Variants in MPZL3 observed in about 807,000 individuals in gnomAD.
The protein encoded by MPZL3 is myelin protein zero like 3.
A neutral mutation model predicts 24.8 loss-of-function variants in MPZL3; 23 were observed. That is an observed-to-expected ratio of 0.93 (90% CI 0.67 to 1.31). The LOEUF (loss-of-function observed/expected upper bound fraction) is 1.31. Ranked by LOEUF, MPZL3 falls within the 40% of genes most tolerant of loss-of-function variation. The pLI is 0.00. For missense variants in MPZL3, 277 were observed against 294.9 expected, an observed-to-expected ratio of 0.94 and a Z score of 0.44; for synonymous variants, 99 against 106.5, an observed-to-expected ratio of 0.93 and a Z score of 0.44.
intron 4 of MPZL3, among the ~76,000 whole-genome samples, chr11:118,235,146 T>C (rs2134697876): frequency 6.6e-6 from 1 of 152,306 alleles, no homozygotes; most frequent in Non-Finnish European, 1.5e-5. Context: ...AAACATTGAC[T>C]TCAGAATTTA....
chr11:118,237,370 C>T, intron 2 of MPZL3, 110 bp from the exon 3 acceptor site: 1 of 950,144 alleles, frequency 1.1e-6, no homozygotes, highest in Non-Finnish European at 1.6e-6. Context: ...TGTTTTTTTT[C>T]AGTTGGGCAA....
chr11:118,239,232 C>T (rs1949463228), intron 2 of MPZL3, among the ~76,000 whole-genome samples: 1 of 152,116 alleles, frequency 6.6e-6, no homozygotes, highest in Non-Finnish European at 1.5e-5. Context: ...CACTCAGAAT[C>T]AAGTGAACTA....
chr11:118,231,846 C>T (rs886429463), intron 5 of MPZL3, among the ~76,000 whole-genome samples: 8 of 152,270 alleles, frequency 5.3e-5, no homozygotes, highest in African/African-American at 1.7e-4. Flanking sequence ...TCCAAACTAC[C>T]AGCATCTTCA....
chr11:118,237,143 T>C lies in MPZL3; in HGVS notation c.358A>G (p.Ile120Val). The C allele has an allele frequency of 6.2e-7, 1 of 1,614,146 alleles. No individual in the cohort carries two copies. Among genetic ancestry groups the C allele is most frequent in the Non-Finnish European group, 8.5e-7 (1 of 1,179,990 alleles). The change falls in exon 3 of 6, where the codon ATA (isoleucine) becomes GTA (valine). Residue 120 changes from isoleucine to valine, a missense_variant. Coordinates refer to ENST00000278949, the MANE Select transcript of MPZL3 (RefSeq NM_198275.3). ...CAGCTGAATGTCCCATTGTCCTTTA[T>C]GGTAGGGTTGCTTATACTTATAGAT... ...DASISISNPT[I>V]KDNGTFSCAV... is the part of the protein sequence containing the mutation.
intron 3 of MPZL3, 117 bp from the exon 4 acceptor site, chr11:118,235,706 T>C: frequency 9.5e-7 from 1 of 1,055,286 alleles, no homozygotes; most frequent in Non-Finnish European, 1.4e-6. Flanking sequence ...AAGTAATAAA[T>C]CATTGTGTGA....
At position 118,247,011 on chromosome 11, in the gene MPZL3, G is replaced by A. The variant is rs1048273972; in HGVS notation, c.73+5211C>T. Among the ~76,000 whole-genome samples the A allele has an allele frequency of 2.6e-5, 4 of 152,102 alleles. No homozygotes were observed. In the South Asian group the frequency reaches 8.3e-4, roughly 32 times the overall value. The stretch of plus-strand genomic sequence containing the variant: ...TGTTACTAGATCCTGGTAAGAGTGG[G>A]AGCTGTGGGCAACCTGACAGGGGCT... On this transcript the variant is annotated intron_variant, in intron 1 of 5. Transcript: ENST00000278949.
intron 5 of MPZL3, among the ~76,000 whole-genome samples, chr11:118,231,355 G>A (rs1949348594): frequency 6.6e-6 from 1 of 152,090 alleles, no homozygotes; most frequent in African/African-American, 2.4e-5. Flanking sequence ...CTCTTTCTTA[G>A]CCTCTTTACT....
In MPZL3 at chr11:118,229,886, G is replaced by C; in HGVS notation, c.*8C>G. 6.2e-7 allele frequency: 1 copy of C among 1,613,370 alleles called. No individual in the cohort carries two copies. The highest frequency in any genetic ancestry group is 8.5e-7 in the Non-Finnish European group (1 of 1,179,616). On this transcript the variant is annotated 3_prime_UTR_variant, in exon 6 of 6. Transcript: ENST00000278949. ...TAGGTGACTCTTCTTGTGTCATACA[G>C]ACTTTCATCAATATGTCTCTTCATA...
Position 118,235,551 on chromosome 11 carries a change from T to G in MPZL3, c.490A>C (p.Ile164Leu). 1 of 1,613,540 alleles carries G rather than the reference T, an allele frequency of 6.2e-7. No homozygotes were observed. The highest frequency in any genetic ancestry group is 2.2e-5 in the East Asian group (1 of 44,852). ...TMLSSVALLS[I>L]LVFVPSAVVV... ...ACGGCTGAGGGCACAAAGACAAGGA[T>G]GGAAAGAAGGGCCACAGAGGAAAGC... The change falls in exon 4 of 6, where the codon ATC becomes CTC. Residue 164 changes from isoleucine to leucine, a missense_variant. By Grantham distance (5) the Ile-to-Leu change is conservative. Transcript: ENST00000278949.
intron 3 of MPZL3, 24 bp from the exon 4 acceptor site, chr11:118,235,613 A>G (rs770874533): frequency 5.0e-6 from 8 of 1,611,170 alleles, no homozygotes; most frequent in Non-Finnish European, 6.8e-6. Context: ...AAGAGAAGGT[A>G]AAAGACAGGG....
chr11:118,237,497 C>A (rs1949441791), intron 2 of MPZL3, among the ~76,000 whole-genome samples: 1 of 151,896 alleles, frequency 6.6e-6, no homozygotes, highest in African/African-American at 2.4e-5. Context: ...TCCCTGGAAC[C>A]CTAAAATAAT....
At position 118,251,118 on chromosome 11, in the gene MPZL3, T is replaced by TGTGTGTGTGA. The variant is rs1491135921; in HGVS notation, c.73+1103_73+1104insTCACACACAC. Among the ~76,000 whole-genome samples, 20 of 129,786 alleles carry TGTGTGTGTGA rather than the reference T, an allele frequency of 1.5e-4. 1 individual carries two copies. Among genetic ancestry groups the TGTGTGTGTGA allele is most frequent in the African/African-American group, 5.1e-4 (18 of 35,322 alleles). 85.1% of individuals were successfully genotyped at this position (129,786 alleles called of 152,430 possible). A position where few individuals can be genotyped will look rare whatever the true frequency, so the allele number is the denominator to read the frequency against. Reference sequence around the variant, plus strand: ...GTGTGTGTGTGTGTGTGTGTGTGTGTGAAAGAGAGAGAGAGAGGACTGGGT... The same window carrying TGTGTGTGTGA: ...GTGTGTGTGTGTGTGTGTGTGTGTGTGTGTGTGTGAGAAAGAGAGAGAGAGAGGACTGGGT... On this transcript the variant is annotated intron_variant, in intron 1 of 5. Transcript: ENST00000278949.
intron 1 of MPZL3, among the ~76,000 whole-genome samples, chr11:118,246,585 C>CTTTCTT (rs1555112606): frequency 5.7e-4 from 70 of 123,240 alleles, no homozygotes; most frequent in African/African-American, 2.1e-3. Flanking sequence ...TTTTTCTTTT[C>CTTTCTT]TTTTTTTTTT....
At chr11:118,247,674 T>G (rs1397548030) in intron 1 of MPZL3, among the ~76,000 whole-genome samples, 1 of 152,096 alleles carries the variant, frequency 6.6e-6, no homozygotes, top group Non-Finnish European at 1.5e-5. Flanking sequence ...GGTCTCACTA[T>G]TGTTGCCCAG....
rs140897076 is a variant in MPZL3, at chr11:118,229,430, C to CA, written c.*463dup. 7,005 of 160,578 alleles carry CA rather than the reference C, an allele frequency of 0.044. 560 individuals carry two copies. Among genetic ancestry groups the CA allele is most frequent in the African/African-American group, 0.16 (6,485 of 41,514 alleles). The allele number at this position is 160,578 out of a possible 1,614,324, so 9.9% of individuals were successfully genotyped here. A position where few individuals can be genotyped will look rare whatever the true frequency, so the allele number is the denominator to read the frequency against. On this transcript the variant is annotated 3_prime_UTR_variant, in exon 6 of 6. Transcript: ENST00000278949. ...CTCACAGCTGAAAGTGTACATGGAG[C>CA]AAAAAACAAAGAATACATATCCCAA...
chr11:118,237,544 T>C lies in MPZL3; in HGVS notation c.241-284A>G, dbSNP rs79996557. 9.8e-4 allele frequency among the ~76,000 whole-genome samples: 149 copies of C among 152,134 alleles called. 3 individuals are homozygous for C. In the East Asian group the frequency reaches 0.028, roughly 29 times the overall value. ...AGAGGCAATTTCACCCTCCAAGAGATATTGGCAATATCTGAAGACATTTTT... is the reference window on the plus strand; with the variant it reads ...AGAGGCAATTTCACCCTCCAAGAGACATTGGCAATATCTGAAGACATTTTT... On this transcript the variant is annotated intron_variant, in intron 2 of 5. Coordinates refer to ENST00000278949, the MANE Select transcript of MPZL3 (RefSeq NM_198275.3).
At chr11:118,244,675 C>A (rs1355472572) in intron 1 of MPZL3, among the ~76,000 whole-genome samples, 1 of 152,170 alleles carries the variant, frequency 6.6e-6, no homozygotes, top group Non-Finnish European at 1.5e-5. Context: ...ACAGACCAGG[C>A]AGGACCTTAC....
chr11:118,244,575 C>T (rs1166325574), intron 1 of MPZL3, among the ~76,000 whole-genome samples: 3 of 152,020 alleles, frequency 2.0e-5, no homozygotes, highest in Non-Finnish European at 2.9e-5. Context: ...CTCAGTCAGT[C>T]AAGGAGCTGA....
chr11:118,251,113 GTGTGTGAA>G (rs1565497716), intron 1 of MPZL3, among the ~76,000 whole-genome samples: 1 of 133,834 alleles, frequency 7.5e-6, no homozygotes, highest in Non-Finnish European at 1.7e-5. Flanking sequence ...GTGTGTGTGT[GTGTGTGAA>G]AGAGAGAGAG....
Sources: gnomAD v4.1 joint callset for allele counts (sites outside exome capture counted in the v4.1 genomes callset) on GRCh38, gnomAD v4.1.1 for gene constraint, MANE v1.5 for transcripts, NCBI Gene and HGNC (gene_info 2026-07-23, HGNC 2026-07-21) for gene names.